The following RABGAP1L variants were observed in gnomAD, a reference collection of about 807,000 sequenced individuals.
RABGAP1L encodes RAB GTPase activating protein 1 like, also known as rab GTPase-activating protein 1-like.
In RABGAP1L, 63 loss-of-function variants were observed where a neutral mutation model predicts 137.7. The observed-to-expected ratio is 0.46, with a 90% CI of 0.37 to 0.56. RABGAP1L has a LOEUF of 0.56. Among genes scored for constraint, RABGAP1L ranks in the 20% least tolerant of loss-of-function variants. RABGAP1L has a pLI of 0.00. For missense variants in RABGAP1L, 1,095 were observed against 1,244.0 expected (o/e 0.88, Z 1.80); for synonymous variants, 431 against 433.7 (o/e 0.99, Z 0.08).
intron 17 of RABGAP1L, among the ~76,000 whole-genome samples, chr1:174,702,561 G>C (rs935523120): frequency 2.0e-5 from 3 of 151,980 alleles, no homozygotes; most frequent in Non-Finnish European, 4.4e-5. Flanking sequence ...TGCCTTTAAG[G>C]TTAAATAAAT....
At chr1:174,632,186 G>A (rs1449561174) in intron 13 of RABGAP1L, among the ~76,000 whole-genome samples, 1 of 126,234 alleles carries the variant, frequency 7.9e-6, no homozygotes, top group African/African-American at 3.4e-5. Context: ...ATTCTGGGTT[G>A]AAAATTCTTT....
At chr1:174,247,926 TC>T (rs1672401102) in intron 5 of RABGAP1L, among the ~76,000 whole-genome samples, 1 of 149,980 alleles carries the variant, frequency 6.7e-6, no homozygotes, top group African/African-American at 2.4e-5. Context: ...CCTATTAAAC[TC>T]CCTGCTCCTT....
At chr1:174,358,831 C>T (rs912519446) in intron 11 of RABGAP1L, among the ~76,000 whole-genome samples, 1 of 152,122 alleles carries the variant, frequency 6.6e-6, no homozygotes, top group Non-Finnish European at 1.5e-5. Context: ...ATTTTGAATA[C>T]TCTTATGGCC....
At chr1:174,967,330 A>AT (rs35787924) in intron 20 of RABGAP1L, among the ~76,000 whole-genome samples, 22,787 of 115,828 alleles carry the variant, frequency 0.2, 2,781 homozygotes, top group East Asian at 0.54. Flanking sequence ...CACCCAGCTA[A>AT]TTTTTTTTTT....
At chr1:174,561,638 A>G (rs1667222735) in intron 13 of RABGAP1L, among the ~76,000 whole-genome samples, 1 of 152,232 alleles carries the variant, frequency 6.6e-6, no homozygotes, top group Non-Finnish European at 1.5e-5. Flanking sequence ...CGAAAACAGC[A>G]TGGTACTGGT....
At chr1:174,384,868 A>G (rs1686613868) in intron 12 of RABGAP1L, among the ~76,000 whole-genome samples, 2 of 152,186 alleles carry the variant, frequency 1.3e-5, no homozygotes. Context: ...AACATTTTAT[A>G]TATCTATATT....
intron 1 of RABGAP1L, among the ~76,000 whole-genome samples, chr1:174,190,520 A>G (rs1296647418): frequency 6.6e-6 from 1 of 152,094 alleles, no homozygotes; most frequent in Non-Finnish European, 1.5e-5. Flanking sequence ...CGGCTTCCTT[A>G]CCCTTTTTAT....
intron 14 of RABGAP1L, among the ~76,000 whole-genome samples, chr1:174,671,851 A>G (rs1189126243): frequency 1.3e-5 from 2 of 152,126 alleles, no homozygotes; most frequent in African/African-American, 4.8e-5. Context: ...TTCCTCTTCA[A>G]TTATTTGGAA....
intron 7 of RABGAP1L, among the ~76,000 whole-genome samples, chr1:174,259,882 T>C (rs1446442031): frequency 2.0e-5 from 3 of 151,630 alleles, no homozygotes; most frequent in Non-Finnish European, 2.9e-5. Flanking sequence ...TCACCCAGGC[T>C]GGAGTGCAGT....
chr1:174,642,219 G>C (rs926997713), intron 14 of RABGAP1L, among the ~76,000 whole-genome samples: 1 of 152,126 alleles, frequency 6.6e-6, no homozygotes, highest in Non-Finnish European at 1.5e-5. Context: ...ATATTATACA[G>C]AGATTAATAC....
chr1:174,589,164 C>A (rs765243708), intron 13 of RABGAP1L, among the ~76,000 whole-genome samples: 3 of 152,140 alleles, frequency 2.0e-5, no homozygotes, highest in Non-Finnish European at 2.9e-5. Context: ...GAGATGATAT[C>A]TCATTGTAGT....
At chr1:174,226,457 G>T (rs187450771) in intron 3 of RABGAP1L, among the ~76,000 whole-genome samples, 3 of 152,248 alleles carry the variant, frequency 2.0e-5, no homozygotes, top group Admixed American at 1.3e-4. Context: ...AAAGTTTTCA[G>T]GTATAATCTG....
intron 19 of RABGAP1L, among the ~76,000 whole-genome samples, chr1:174,889,005 C>A (rs1307799660): frequency 3.3e-5 from 5 of 152,004 alleles, no homozygotes; most frequent in Non-Finnish European, 7.4e-5. Context: ...ATCTTTTTAT[C>A]CTTAGACCCA....
intron 19 of RABGAP1L, among the ~76,000 whole-genome samples, chr1:174,824,520 T>C (rs1321191686): frequency 6.6e-6 from 1 of 151,946 alleles, no homozygotes; most frequent in Non-Finnish European, 1.5e-5. Flanking sequence ...TAAACTTAAA[T>C]GAAACTTAGG....
In RABGAP1L at chr1:174,895,132, G is replaced by C. The variant is rs552196200; in HGVS notation, c.2341-62325G>C. On this transcript the variant is annotated intron_variant, in intron 19 of 25. Coordinates refer to ENST00000681986, the MANE Select transcript of RABGAP1L (RefSeq NM_001366446.1). ...ACCCTTATCAGGTCAAAACATGGTA[G>C]ATATTCTACTAAAATTGGTCAAATA... Among the ~76,000 whole-genome samples the C allele has an allele frequency of 2.6e-5, 4 of 152,298 alleles. No individual in the cohort carries two copies. In the East Asian group the frequency reaches 7.7e-4, roughly 29 times the overall value.
chr1:174,299,570 C>G (rs1677465730), intron 10 of RABGAP1L, among the ~76,000 whole-genome samples: 1 of 152,156 alleles, frequency 6.6e-6, no homozygotes, highest in Non-Finnish European at 1.5e-5. Flanking sequence ...TCTGGCGGAA[C>G]CAGGCAGAGA....
At chr1:174,979,773 T>C (rs1275942499) in intron 23 of RABGAP1L, among the ~76,000 whole-genome samples, 1 of 152,236 alleles carries the variant, frequency 6.6e-6, no homozygotes, top group Non-Finnish European at 1.5e-5. Context: ...GAAAGCCCTC[T>C]TTCCTGGTAT....
intron 11 of RABGAP1L, among the ~76,000 whole-genome samples, chr1:174,339,851 C>A (rs918409038): frequency 6.6e-6 from 1 of 152,088 alleles, no homozygotes; most frequent in Admixed American, 6.6e-5. Context: ...AAGTGATCCA[C>A]CCACCTCAGC....
At chr1:174,474,740 C>T (rs535050455) in intron 13 of RABGAP1L, among the ~76,000 whole-genome samples, 2 of 152,164 alleles carry the variant, frequency 1.3e-5, no homozygotes, top group South Asian at 4.1e-4. Flanking sequence ...GTAGCTGGGA[C>T]TACAGGCGTG....
Sources: allele counts gnomAD v4.1 joint callset (sites outside exome capture counted in the v4.1 genomes callset), GRCh38; gene constraint gnomAD v4.1.1; transcripts MANE v1.5; gene names NCBI Gene and HGNC (gene_info 2026-07-23, HGNC 2026-07-21).